The following FOXP2 variants were observed in gnomAD, a reference collection of about 807,000 sequenced individuals.
FOXP2 encodes forkhead box protein P2.
FOXP2 carries 12 observed loss-of-function variants against 115.8 expected under a neutral mutation model. The ratio of observed to expected loss-of-function variants is 0.10; its 90% confidence interval spans 0.07 to 0.17. The LOEUF (loss-of-function observed/expected upper bound fraction) is 0.17. Ranked by LOEUF, FOXP2 falls within the 10% of genes least tolerant of loss-of-function variation. The pLI is 1.00. For missense variants in FOXP2, 629 were observed against 843.5 expected (o/e 0.75, Z 3.15); for synonymous variants, 328 against 297.7 (o/e 1.10, Z -1.05).
intron 1 of FOXP2, among the ~76,000 whole-genome samples, chr7:114,179,266 A>T (rs922941518): frequency 6.6e-6 from 1 of 151,948 alleles, no homozygotes; most frequent in African/African-American, 2.4e-5. Flanking sequence ...ATCTATATAG[A>T]TCATGAATTG....
intron 9 of FOXP2, 115 bp from the exon 10 acceptor site, chr7:114,653,811 T>G (rs1190971003): frequency 2.7e-5 from 32 of 1,186,990 alleles, no homozygotes; most frequent in Non-Finnish European, 3.8e-5. Flanking sequence ...GACGCAGACT[T>G]TTACATGCAG....
At chr7:114,652,376 T>C in intron 9 of FOXP2, 86 bp downstream of exon 9, 2 of 1,134,170 alleles carry the variant, frequency 1.8e-6, no homozygotes, top group Non-Finnish European at 2.6e-6. Context: ...TCTTTCAGCC[T>C]GCATTTTACT....
intron 1 of FOXP2, among the ~76,000 whole-genome samples, chr7:114,127,982 T>A (rs1183315704): frequency 6.6e-6 from 1 of 152,180 alleles, no homozygotes; most frequent in African/African-American, 2.4e-5. Flanking sequence ...ATAGTAATGA[T>A]ATAAATTTTC....
At chr7:114,107,511 C>G (rs1791150682) in intron 1 of FOXP2, among the ~76,000 whole-genome samples, 1 of 151,920 alleles carries the variant, frequency 6.6e-6, no homozygotes, top group African/African-American at 2.4e-5. Flanking sequence ...ACTCATGTCT[C>G]TCCCCTCCCC....
intron 1 of FOXP2, among the ~76,000 whole-genome samples, chr7:114,121,763 T>C (rs1226473831): frequency 2.6e-5 from 4 of 152,094 alleles, no homozygotes; most frequent in African/African-American, 7.2e-5. Context: ...GGAGGTTAAA[T>C]TGTGCTTAGT....
At chr7:114,172,421 A>C (rs894593743) in intron 1 of FOXP2, among the ~76,000 whole-genome samples, 1 of 152,166 alleles carries the variant, frequency 6.6e-6, no homozygotes, top group African/African-American at 2.4e-5. Flanking sequence ...ATGATATTTT[A>C]ATGTTGGACA....
intron 1 of FOXP2, among the ~76,000 whole-genome samples, chr7:114,255,798 C>T (rs1049078568): frequency 6.6e-5 from 10 of 152,096 alleles, no homozygotes; most frequent in African/African-American, 2.4e-4. Context: ...CACCCACTGT[C>T]CTGCAACCAC....
chr7:114,373,109 C>T, intron 2 of FOXP2, among the ~76,000 whole-genome samples: 1 of 152,106 alleles, frequency 6.6e-6, no homozygotes, highest in East Asian at 1.9e-4. Context: ...TCTCCTGCCT[C>T]AGCCTCCTGA....
chr7:114,683,208 T>C (rs773262311), intron 16 of FOXP2, among the ~76,000 whole-genome samples: 4 of 152,204 alleles, frequency 2.6e-5, no homozygotes, highest in Non-Finnish European at 5.9e-5. Flanking sequence ...AAACTCTTAA[T>C]GCTTTCATGG....
At chr7:114,541,827 A>G (rs1211998994) in intron 3 of FOXP2, among the ~76,000 whole-genome samples, 1 of 151,506 alleles carries the variant, frequency 6.6e-6, no homozygotes, top group African/African-American at 2.4e-5. Context: ...TTAAGTATAT[A>G]TTCCCTTGAC....
upstream of FOXP2, among the ~76,000 whole-genome samples, chr7:114,087,528 G>A (rs562954891): frequency 1.3e-5 from 2 of 151,964 alleles, no homozygotes; most frequent in South Asian, 2.1e-4. Flanking sequence ...CTTCTCACTT[G>A]GCTGTTACCT....
At chr7:114,089,121 G>C (rs1799491820) in intron 1 of FOXP2, among the ~76,000 whole-genome samples, 1 of 151,954 alleles carries the variant, frequency 6.6e-6, no homozygotes, top group Non-Finnish European at 1.5e-5. Flanking sequence ...TCAGTCGTCA[G>C]TCTAGTTAAA....
At chr7:114,445,182 A>G (rs1368702007) in intron 2 of FOXP2, among the ~76,000 whole-genome samples, 4 of 152,060 alleles carry the variant, frequency 2.6e-5, no homozygotes, top group African/African-American at 9.7e-5. Flanking sequence ...ATCAGATACT[A>G]TTTATCTGAC....
At chr7:114,630,144 G>C in intron 5 of FOXP2, 139 bp downstream of exon 5, 1 of 1,466,208 alleles carries the variant, frequency 6.8e-7, no homozygotes, top group Non-Finnish European at 9.4e-7. Context: ...ACTGAGCTTA[G>C]TAACAGTGAT....
chr7:114,654,225 A>C (rs1280941236), intron 10 of FOXP2: 20 of 1,120,430 alleles, frequency 1.8e-5, no homozygotes, highest in Non-Finnish European at 2.2e-5. Context: ...GGTGACACTA[A>C]ACAAAGTACA....
chr7:114,687,994 A>G (rs187525908), intron 16 of FOXP2, among the ~76,000 whole-genome samples: 3 of 152,064 alleles, frequency 2.0e-5, no homozygotes, highest in Non-Finnish European at 4.4e-5. Flanking sequence ...ACACATATAT[A>G]CATACATATA....
intron 2 of FOXP2, among the ~76,000 whole-genome samples, chr7:114,371,891 G>T (rs1460845570): frequency 6.6e-6 from 1 of 152,046 alleles, no homozygotes; most frequent in African/African-American, 2.4e-5. Context: ...AAGAAATGAA[G>T]AAAATAGAAA....
chr7:114,684,087 C>T (rs12530814), intron 16 of FOXP2, among the ~76,000 whole-genome samples: 8,890 of 152,084 alleles, frequency 0.058, 610 homozygotes, highest in East Asian at 0.35. Flanking sequence ...CTTTGTTGCC[C>T]AGGCTGGCAT....
chr7:114,324,915 G>A (rs991697608), intron 2 of FOXP2, among the ~76,000 whole-genome samples: 18 of 151,642 alleles, frequency 1.2e-4, no homozygotes, highest in Admixed American at 9.8e-4. Context: ...TTTAATTTTT[G>A]TGGGCACATA....
Sources: gnomAD v4.1 joint callset for allele counts (sites outside exome capture counted in the v4.1 genomes callset) on GRCh38, gnomAD v4.1.1 for gene constraint, MANE v1.5 for transcripts, NCBI Gene and HGNC (gene_info 2026-07-23, HGNC 2026-07-21) for gene names.